The following CHORDC1 variants were observed in gnomAD, a reference collection of about 807,000 sequenced individuals.
CHORDC1 encodes the protein cysteine and histidine rich domain containing 1, also known as cysteine and histidine-rich domain-containing protein 1.
In CHORDC1, 25 loss-of-function variants were observed where a neutral mutation model predicts 48.3. That is an observed-to-expected ratio of 0.52 (90% CI 0.38 to 0.72). The LOEUF is 0.72. Ranked by LOEUF, CHORDC1 falls within the 30% of genes least tolerant of loss-of-function variation. CHORDC1 has a pLI of 0.00. For missense variants in CHORDC1, 317 were observed against 388.7 expected (o/e 0.82, Z 1.55); for synonymous variants, 128 against 126.4 (o/e 1.01, Z -0.09).
At chr11:90,204,812 T>C (rs1374165783) in intron 8 of CHORDC1, among the ~76,000 whole-genome samples, 2 of 152,032 alleles carry the variant, frequency 1.3e-5, no homozygotes, top group African/African-American at 2.4e-5. Context: ...ACATTAACAA[T>C]AGCTAACAGA....
chr11:90,214,237 T>C (rs532067794), intron 3 of CHORDC1, 62 bp from the exon 4 acceptor site: 92 of 1,164,728 alleles, frequency 7.9e-5, no homozygotes, highest in South Asian at 1.4e-4. Context: ...AGAAATATTA[T>C]CTTTTCAGTT....
In CHORDC1 at chr11:90,202,428, G is replaced by C. The variant is rs1188480539; in HGVS notation, c.976C>G (p.Gln326Glu). The part of the protein sequence containing the change: ...ELPAAKKQEK[Q>E]KDATTD Reference sequence around the variant, plus strand: ...ACTCAATCTGTTGTGGCATCTTTTTGTTTTTCCTGCTTTTTAGCTGCAGGC... The same window carrying C: ...ACTCAATCTGTTGTGGCATCTTTTTCTTTTTCCTGCTTTTTAGCTGCAGGC... The change falls in exon 11 of 11, where the codon CAA becomes GAA. Residue 326 changes from glutamine (Q) to glutamate (E), a missense_variant. Coordinates refer to ENST00000320585, the MANE Select transcript of CHORDC1 (RefSeq NM_012124.3). 6.2e-7 allele frequency: 1 copy of C among 1,611,210 alleles called. No individual in the cohort carries two copies. Among genetic ancestry groups the C allele is most frequent in the Non-Finnish European group, 8.5e-7 (1 of 1,179,450 alleles).
Position 90,203,322 on chromosome 11 carries a change from C to T in CHORDC1, c.775G>A (p.Ala259Thr). ...GATGTACTTACCAATGTGCTATTTGCTTCTACTCGGCTAAGTTCTGGAAGT... is the reference window on the plus strand; with the variant it reads ...GATGTACTTACCAATGTGCTATTTGTTTCTACTCGGCTAAGTTCTGGAAGT... The part of the protein sequence containing the change: ...NSLPELSRVE[A>T]NSTLLNVHIV... The change falls in exon 9 of 11, where the codon GCA becomes ACA. Residue 259 changes from alanine to threonine, a missense_variant. Coordinates refer to ENST00000320585, the MANE Select transcript of CHORDC1 (RefSeq NM_012124.3). 6.3e-7 allele frequency: 1 copy of T among 1,593,676 alleles called. No individual in the cohort carries two copies. Among genetic ancestry groups the T allele is most frequent in the Non-Finnish European group, 8.6e-7 (1 of 1,166,312 alleles).
intron 2 of CHORDC1, 110 bp from the exon 3 acceptor site, chr11:90,215,340 T>C (rs889631857): frequency 1.2e-5 from 6 of 495,638 alleles, no homozygotes; most frequent in Middle Eastern, 3.0e-4. Flanking sequence ...AACTTGCGTA[T>C]AGAGTGCAAA....
intron 4 of CHORDC1, chr11:90,212,074 G>A (rs1181000624): frequency 3.3e-5 from 5 of 152,180 alleles, no homozygotes; most frequent in African/African-American, 4.8e-5. Context: ...AGGACTGCTT[G>A]AAGCCTGGGC....
rs771448827 is a variant in CHORDC1, at chr11:90,206,190, T to G, written c.563+12A>C. The G allele has an allele frequency of 9.2e-6, 13 of 1,417,162 alleles. No homozygotes were observed. Among genetic ancestry groups the G allele is most frequent in the Non-Finnish European group, 1.3e-5 (13 of 1,001,578 alleles). 87.8% of individuals were successfully genotyped at this position (1,417,162 alleles called of 1,614,324 possible). A position where few individuals can be genotyped will look rare whatever the true frequency, so the allele number is the denominator to read the frequency against. On this transcript the variant is annotated intron_variant, in intron 7 of 10. Coordinates refer to ENST00000320585, the MANE Select transcript of CHORDC1 (RefSeq NM_012124.3). The stretch of plus-strand genomic sequence containing the variant: ...TACCATAAACTATTTTAATAAGTCA[T>G]GCATAAGTTACCCCTCATGGAAAAT...
chr11:90,211,475 A>G, intron 4 of CHORDC1, 157 bp from the exon 5 acceptor site: 1 of 567,718 alleles, frequency 1.8e-6, no homozygotes, highest in Non-Finnish European at 3.1e-6. Flanking sequence ...AATAATTGTT[A>G]CAATGTATCT....
intron 1 of CHORDC1, among the ~76,000 whole-genome samples, chr11:90,220,414 G>C (rs1858137225): frequency 6.6e-6 from 1 of 152,210 alleles, no homozygotes; most frequent in African/African-American, 2.4e-5. Flanking sequence ...AAGGAGGTTG[G>C]AAGTAGAAAT....
chr11:90,215,154 A>G lies in CHORDC1; in HGVS notation c.171+20T>C. On this transcript the variant is annotated intron_variant, in intron 3 of 10. Transcript: ENST00000320585. ...ATGTATTTTTAGGAAGATAATCTAG[A>G]AAAAATAATTAGTACTTACTACAAT... is the stretch of plus-strand genomic sequence containing the variant. 7.3e-7 allele frequency: 1 copy of G among 1,364,184 alleles called. No homozygotes were observed. The highest frequency in any genetic ancestry group is 1.4e-5 in the South Asian group (1 of 71,240). 84.5% of individuals were successfully genotyped at this position (1,364,184 alleles called of 1,614,324 possible).
At chr11:90,218,057 G>T in intron 2 of CHORDC1, 78 bp downstream of exon 2, 3 of 1,086,768 alleles carry the variant, frequency 2.8e-6, no homozygotes, top group Non-Finnish European at 3.9e-6. Flanking sequence ...GAGAAAAAAA[G>T]ATGAGAAAAT....
intron 2 of CHORDC1, among the ~76,000 whole-genome samples, chr11:90,216,936 A>G (rs1285964931): frequency 6.6e-6 from 1 of 152,242 alleles, no homozygotes; most frequent in Non-Finnish European, 1.5e-5. Flanking sequence ...GCATAGGGAA[A>G]AAAAGAAAAA....
At chr11:90,217,022 T>C (rs114393391) in intron 2 of CHORDC1, among the ~76,000 whole-genome samples, 94 of 152,124 alleles carry the variant, frequency 6.2e-4, no homozygotes, top group African/African-American at 2.1e-3. Context: ...AAAATAAACA[T>C]TTCCACAGCA....
At chr11:90,213,928 A>G (rs1188900088) in intron 4 of CHORDC1, 90 bp downstream of exon 4, 12 of 1,136,840 alleles carry the variant, frequency 1.1e-5, no homozygotes, top group Admixed American at 9.3e-5. Context: ...AGTAGCTACA[A>G]ATGGTATCAT....
intron 1 of CHORDC1, among the ~76,000 whole-genome samples, chr11:90,218,847 A>G (rs11018919): frequency 0.61 from 93,166 of 151,654 alleles, 30,063 homozygotes; most frequent in South Asian, 0.75. Context: ...AGTGAGGAGC[A>G]CCTCTGCCTG....
At chr11:90,218,854 C>T (rs1774553157) in intron 1 of CHORDC1, among the ~76,000 whole-genome samples, 1 of 152,098 alleles carries the variant, frequency 6.6e-6, no homozygotes, top group South Asian at 2.1e-4. Flanking sequence ...AGCACCTCTG[C>T]CTGGCCACTG....
chr11:90,218,227 A>G (rs756994232), intron 1 of CHORDC1, 43 bp from the exon 2 acceptor site: 55 of 1,414,362 alleles, frequency 3.9e-5, no homozygotes, highest in Non-Finnish European at 5.3e-5. Flanking sequence ...ACTCTTTATA[A>G]TGAAGAAAAA....
chr11:90,213,384 A>C (rs1857921919), intron 4 of CHORDC1: 1 of 695,000 alleles, frequency 1.4e-6, no homozygotes. Flanking sequence ...GTTTGCTTCT[A>C]AAACAATTTA....
At position 90,206,277 on chromosome 11, in the gene CHORDC1, AAAGG is replaced by A. The variant is rs1857682503; in HGVS notation, c.493-9_493-6del. On this transcript the variant is annotated splice_region_variant and splice_polypyrimidine_tract_variant and intron_variant, in intron 6 of 10. Transcript: ENST00000320585. Reference sequence around the variant, plus strand: ...ACTCTCTAGACCCTGGTATGTCTAAAAAGGAAACAAAGAGAAAAAAAATTAGCTG... The same window carrying A: ...ACTCTCTAGACCCTGGTATGTCTAAAAAACAAAGAGAAAAAAAATTAGCTG... The A allele has an allele frequency of 1.3e-6, 2 of 1,494,756 alleles. No homozygotes were observed. Among genetic ancestry groups the A allele is most frequent in the Non-Finnish European group, 9.3e-7 (1 of 1,073,532 alleles). The allele number at this position is 1,494,756 out of a possible 1,614,324, so 92.6% of individuals were successfully genotyped here. A position where few individuals can be genotyped will look rare whatever the true frequency, so the allele number is the denominator to read the frequency against.
chr11:90,210,508 AAC>A lies in CHORDC1; in HGVS notation c.492+26_492+27del, dbSNP rs749079861. 2.5e-5 allele frequency: 37 copies of A among 1,469,058 alleles called. No homozygotes were observed. In the African/African-American group the frequency reaches 4.9e-4, roughly 19 times the overall value. 91.0% of individuals were successfully genotyped at this position (1,469,058 alleles called of 1,614,324 possible). ...CCTCAAAATTAAAATTTTACTTCATAACACATCACAAATCTTGTGATATATAC... is the reference window on the plus strand; with the variant it reads ...CCTCAAAATTAAAATTTTACTTCATAACATCACAAATCTTGTGATATATAC... On this transcript the variant is annotated intron_variant, in intron 6 of 10. Transcript: ENST00000320585.
Sources: allele counts gnomAD v4.1 joint callset (sites outside exome capture counted in the v4.1 genomes callset), GRCh38; gene constraint gnomAD v4.1.1; transcripts MANE v1.5; gene names NCBI Gene and HGNC (gene_info 2026-07-23, HGNC 2026-07-21).